Variants in ZSWIM4 observed in about 807,000 individuals in gnomAD.
ZSWIM4 encodes zinc finger SWIM domain-containing protein 4.
A neutral mutation model predicts 102.5 loss-of-function variants in ZSWIM4; 62 were observed. That is an observed-to-expected ratio of 0.60 (90% CI 0.49 to 0.75). The LOEUF (loss-of-function observed/expected upper bound fraction) is 0.75, where lower values mean the gene tolerates loss of function less well. ZSWIM4 is among the 30% of genes least tolerant of loss of function. The pLI is 0.00. For missense variants in ZSWIM4, 1,280 were observed against 1,529.6 expected (o/e 0.84, Z 2.72); for synonymous variants, 652 against 674.5 (o/e 0.97, Z 0.52).
intron 1 of ZSWIM4, among the ~76,000 whole-genome samples, chr19:13,797,229 G>A (rs995483697): frequency 6.6e-6 from 1 of 152,216 alleles, no homozygotes; most frequent in African/African-American, 2.4e-5. Context: ...GAGAAGTTGA[G>A]AAACTTGCCC....
chr19:13,829,910 A>C (rs1056562043), intron 13 of ZSWIM4, among the ~76,000 whole-genome samples: 1 of 151,866 alleles, frequency 6.6e-6, no homozygotes, highest in Non-Finnish European at 1.5e-5. Context: ...CCGGGAGGGA[A>C]TGGCTGGCCA....
chr19:13,824,483 G>C (rs1385026850), intron 11 of ZSWIM4, among the ~76,000 whole-genome samples: 1 of 152,138 alleles, frequency 6.6e-6, no homozygotes, highest in African/African-American at 2.4e-5. Flanking sequence ...TGTAATCCCA[G>C]CGATTTGGGA....
At chr19:13,824,734 AAAT>A (rs59668197) in intron 11 of ZSWIM4, among the ~76,000 whole-genome samples, 4,632 of 146,730 alleles carry the variant, frequency 0.032, 70 homozygotes, top group Middle Eastern at 0.047. Context: ...CTCCATCTCA[AAAT>A]AATAATAATA....
At chr19:13,822,163 T>TACACACACACACACACACACAC in intron 10 of ZSWIM4, among the ~76,000 whole-genome samples, 1 of 142,280 alleles carries the variant, frequency 7.0e-6, no homozygotes, top group African/African-American at 2.6e-5. Context: ...CACACACACA[T>TACACACACACACACACACACAC]ACACACACAC....
At chr19:13,829,812 G>A (rs1387269245) in intron 13 of ZSWIM4, among the ~76,000 whole-genome samples, 8 of 151,324 alleles carry the variant, frequency 5.3e-5, no homozygotes, top group East Asian at 3.9e-4. Context: ...GCAACAGAGC[G>A]AGACTCCATC....
chr19:13,804,028 A>AT (rs1008436350), intron 2 of ZSWIM4, among the ~76,000 whole-genome samples: 1 of 149,976 alleles, frequency 6.7e-6, no homozygotes, highest in Admixed American at 6.7e-5. Context: ...TGCCCGGCTA[A>AT]TTTTTTTATA....
In ZSWIM4 at chr19:13,825,849, T is replaced by A; in HGVS notation, c.2379+136T>A. The A allele has an allele frequency of 8.1e-7, 1 of 1,231,536 alleles. No individual in the cohort carries two copies. The highest frequency in any genetic ancestry group is 1.1e-6 in the Non-Finnish European group (1 of 905,502). 76.3% of individuals were successfully genotyped at this position (1,231,536 alleles called of 1,614,324 possible). ...CCGGCATTTGCGTGAGCTATTCCTC[T>A]GTGGCTGGGGACTGAGCGAGAACCA... On this transcript the variant is annotated intron_variant, in intron 12 of 13. Coordinates refer to ENST00000590508, the MANE Select transcript of ZSWIM4 (RefSeq NM_001367834.3). This position sits in a 1 kb window ranked among gnomAD's most constrained non-coding sequence, Gnocchi z 4.6.
At position 13,795,675 on chromosome 19, in the gene ZSWIM4, C is replaced by A; in HGVS notation, c.27C>A (p.Ser9Arg). 1.0e-6 allele frequency: 1 copy of A among 996,488 alleles called. No homozygotes were observed. The highest frequency in any genetic ancestry group is 1.3e-6 in the Non-Finnish European group (1 of 785,942). 61.7% of individuals were successfully genotyped at this position (996,488 alleles called of 1,614,324 possible). ...TGGAACCCCCCGCGGCCAAGCGGAGCCGGGGCTGCCCCGCGGGACCCGAGG... is the reference window on the plus strand; with the variant it reads ...TGGAACCCCCCGCGGCCAAGCGGAGACGGGGCTGCCCCGCGGGACCCGAGG... MEPPAAKR[S>R]RGCPAGPEER... The change falls in exon 1 of 14, where the codon AGC (serine) becomes AGA (arginine). Residue 9 changes from serine to arginine, a missense_variant. Coordinates refer to ENST00000590508, the MANE Select transcript of ZSWIM4 (RefSeq NM_001367834.3).
At chr19:13,800,085 T>TTTTTTTTTTTTG (rs1974720422) in intron 2 of ZSWIM4, among the ~76,000 whole-genome samples, 164 bp downstream of exon 2, 2 of 146,664 alleles carry the variant, frequency 1.4e-5, no homozygotes, top group East Asian at 2.0e-4. Flanking sequence ...TTTTTTTTTT[T>TTTTTTTTTTTTG]GAGACGGAGT....
chr19:13,823,099 T>C (rs1975511825), intron 10 of ZSWIM4, among the ~76,000 whole-genome samples: 1 of 152,196 alleles, frequency 6.6e-6, no homozygotes, highest in Non-Finnish European at 1.5e-5. Context: ...TTCAGTGAGC[T>C]ATGATTGTCC....
chr19:13,822,571 G>A (rs1433855429), intron 10 of ZSWIM4, among the ~76,000 whole-genome samples: 1 of 152,184 alleles, frequency 6.6e-6, no homozygotes, highest in African/African-American at 2.4e-5. Flanking sequence ...GGCCAGGCAT[G>A]GTGGCTCATG....
At chr19:13,798,037 G>A (rs931094510) in intron 1 of ZSWIM4, among the ~76,000 whole-genome samples, 4 of 152,244 alleles carry the variant, frequency 2.6e-5, no homozygotes, top group African/African-American at 9.6e-5. Flanking sequence ...GCCGTGGGGC[G>A]TGGGTTGGAC....
chr19:13,810,286 G>A (rs912710756), intron 5 of ZSWIM4, among the ~76,000 whole-genome samples: 16 of 121,502 alleles, frequency 1.3e-4, no homozygotes, highest in South Asian at 2.8e-4. Flanking sequence ...TGTGAGCCAC[G>A]GCACCTGGCC....
chr19:13,806,689 A>C (rs1225618993), intron 3 of ZSWIM4, among the ~76,000 whole-genome samples: 1 of 149,488 alleles, frequency 6.7e-6, no homozygotes. Context: ...AAAAGAAGGG[A>C]AGGACAGAAC....
chr19:13,801,824 A>G (rs777211324), intron 2 of ZSWIM4, among the ~76,000 whole-genome samples: 2 of 151,528 alleles, frequency 1.3e-5, no homozygotes, highest in Non-Finnish European at 2.9e-5. Context: ...GGCACCCGCT[A>G]TCATGCCTGG....
Position 13,817,877 on chromosome 19 carries a change from G to T in ZSWIM4, c.1825G>T (p.Val609Leu), listed in dbSNP as rs1156349127. The change falls in exon 9 of 14, where the codon GTG (valine) becomes TTG (leucine). Residue 609 changes from valine (V) to leucine (L), a missense_variant. Physicochemically the swap from Val to Leu is conservative, Grantham distance 32. Coordinates refer to ENST00000590508, the MANE Select transcript of ZSWIM4 (RefSeq NM_001367834.3). ...GGGGCTGTACGCCCAGGACAAGGTG[G>T]TGCGCAACGAGGAGCAGCTGCTGGC... ...PEGLYAQDKV[V>L]RNEEQLLALL... is the part of the protein sequence containing the mutation. 2.6e-6 allele frequency: 4 copies of T among 1,552,702 alleles called. No homozygotes were observed. The highest frequency in any genetic ancestry group is 3.5e-6 in the Non-Finnish European group (4 of 1,147,760).
rs1975019312 is a variant in ZSWIM4, at chr19:13,809,602, C to T, written c.1012+382C>T. Among the ~76,000 whole-genome samples the T allele has an allele frequency of 6.6e-6, 1 of 152,154 alleles. No individual in the cohort carries two copies. The highest frequency in any genetic ancestry group is 2.4e-5 in the African/African-American group (1 of 41,434). On this transcript the variant is annotated intron_variant, in intron 5 of 13. Coordinates refer to ENST00000590508, the MANE Select transcript of ZSWIM4 (RefSeq NM_001367834.3). The surrounding 1 kb of genome is among the most constrained non-coding windows in gnomAD (Gnocchi z 4.2). Reference sequence around the variant, plus strand: ...GACTCAAGTGATCCTACACCTCAGCCTCCCAAGTAGCTGGGTCTACAGGTG... The same window carrying T: ...GACTCAAGTGATCCTACACCTCAGCTTCCCAAGTAGCTGGGTCTACAGGTG...
Position 13,825,782 on chromosome 19 carries a change from C to G in ZSWIM4, c.2379+69C>G, listed in dbSNP as rs1056867063. 2.0e-6 allele frequency: 3 copies of G among 1,525,018 alleles called. No homozygotes were observed. The highest frequency in any genetic ancestry group is 2.7e-5 in the African/African-American group (2 of 73,426). 94.5% of individuals were successfully genotyped at this position (1,525,018 alleles called of 1,614,324 possible). On this transcript the variant is annotated intron_variant, in intron 12 of 13. Transcript: ENST00000590508. This position sits in a 1 kb window ranked among gnomAD's most constrained non-coding sequence, Gnocchi z 4.6. ...GGCCAGGACTGACTGTGAGCTGCGC[C>G]TCCCGGGGCATGGGCTGAGTGTGAG...
At position 13,825,461 on chromosome 19, in the gene ZSWIM4, G is replaced by A; in HGVS notation, c.2216-89G>A. The A allele has an allele frequency of 4.1e-6, 6 of 1,475,766 alleles. No individual in the cohort carries two copies. The Admixed American group carries it at 1.1e-4, about 27-fold the overall frequency. 91.4% of individuals were successfully genotyped at this position (1,475,766 alleles called of 1,614,324 possible). ...CACACTCACACATGTGCCCCTGGGT[G>A]GAAGGATCTGTGTGAACAGGTCGGG... is the stretch of plus-strand genomic sequence containing the variant. On this transcript the variant is annotated intron_variant, in intron 11 of 13. Coordinates refer to ENST00000590508, the MANE Select transcript of ZSWIM4 (RefSeq NM_001367834.3). This position sits in a 1 kb window ranked among gnomAD's most constrained non-coding sequence, Gnocchi z 4.6.
Sources: allele counts gnomAD v4.1 joint callset (sites outside exome capture counted in the v4.1 genomes callset), GRCh38; gene constraint gnomAD v4.1.1; non-coding constraint Gnocchi (gnomAD v3.1); transcripts MANE v1.5; gene names NCBI Gene and HGNC (gene_info 2026-07-23, HGNC 2026-07-21).